The following NECAB2 variants were observed in gnomAD, a reference collection of about 807,000 sequenced individuals.
The protein encoded by NECAB2 is N-terminal EF-hand calcium-binding protein 2.
NECAB2 carries 68 observed loss-of-function variants against 51.9 expected under a neutral mutation model. The ratio of observed to expected loss-of-function variants is 1.31; its 90% confidence interval spans 1.08 to 1.60. The LOEUF (loss-of-function observed/expected upper bound fraction) is 1.60, where lower values mean the gene tolerates loss of function less well. NECAB2 is among the 40% of genes most tolerant of loss of function. The pLI is 0.00. For missense variants in NECAB2, 854 were observed against 490.3 expected, an observed-to-expected ratio of 1.74 and a Z score of -7.00; for synonymous variants, 329 against 203.5, an observed-to-expected ratio of 1.62 and a Z score of -5.25.
At chr16:83,978,847 C>G (rs1194974081) in intron 3 of NECAB2, among the ~76,000 whole-genome samples, 2 of 152,020 alleles carry the variant, frequency 1.3e-5, no homozygotes, top group African/African-American at 4.8e-5. Flanking sequence ...GTGGCAATGA[C>G]TTCATCCTTC....
Position 84,000,706 on chromosome 16 carries a change from G to GA in NECAB2, c.963-17dup, listed in dbSNP as rs776100319. The GA allele has an allele frequency of 8.1e-6, 13 of 1,613,160 alleles. No homozygotes were observed. In the East Asian group the frequency reaches 8.9e-5, roughly 11 times the overall value. ...GGTTGAGCTCCAGCCTCCTCCCCCC[G>GA]ACCATCTCCTGTTGCAGCATCACTG... On this transcript the variant is annotated splice_polypyrimidine_tract_variant and intron_variant, in intron 10 of 12. Coordinates refer to ENST00000305202, the MANE Select transcript of NECAB2 (RefSeq NM_019065.3).
intron 2 of NECAB2, among the ~76,000 whole-genome samples, chr16:83,976,066 C>G (rs538376406): frequency 1.3e-5 from 2 of 152,272 alleles, no homozygotes; most frequent in African/African-American, 4.8e-5. Flanking sequence ...CCTGCTCTCC[C>G]TGTGTGCAGA....
At chr16:83,995,911 C>G (rs1402022379) in intron 8 of NECAB2, among the ~76,000 whole-genome samples, 4 of 152,298 alleles carry the variant, frequency 2.6e-5, no homozygotes, top group East Asian at 3.9e-4. Flanking sequence ...GCGGGCGCCT[C>G]GGGAGGGAGA....
chr16:83,981,404 C>T (rs574272985), intron 5 of NECAB2, among the ~76,000 whole-genome samples: 1 of 147,512 alleles, frequency 6.8e-6, no homozygotes, highest in South Asian at 2.1e-4. Context: ...CACCCTGTGC[C>T]CTTAAGGGGT....
At chr16:83,966,174 C>T (rs1597186243), upstream of NECAB2, 5 of 620,804 alleles carry the variant, frequency 8.1e-6, no homozygotes, top group African/African-American at 1.8e-5. Flanking sequence ...GGACTTAGAC[C>T]AGTGTCTGAG....
At chr16:83,972,037 C>G (rs1275064709) in intron 1 of NECAB2, 114 bp from the exon 2 acceptor site, 2 of 1,442,800 alleles carry the variant, frequency 1.4e-6, no homozygotes, top group African/African-American at 2.8e-5. Context: ...CTCAGCTTCC[C>G]AGGACCCTAA....
chr16:83,982,742 T>A (rs1199483442), intron 5 of NECAB2, among the ~76,000 whole-genome samples: 1 of 152,234 alleles, frequency 6.6e-6, no homozygotes, highest in Non-Finnish European at 1.5e-5. Context: ...TTTAGAGATC[T>A]TGCTCTTGGA....
upstream of NECAB2, chr16:83,965,367 T>G (rs2084265185): frequency 6.4e-7 from 1 of 1,571,358 alleles, no homozygotes; most frequent in African/African-American, 1.3e-5. Context: ...CTGCCCTTCA[T>G]CCACCATGAG....
rs2084313014 is a variant in NECAB2, at chr16:83,968,533, G to A, written c.-116G>A. The A allele has an allele frequency of 2.4e-6, 2 of 849,386 alleles. No individual in the cohort carries two copies. The highest frequency in any genetic ancestry group is 2.8e-6 in the Non-Finnish European group (2 of 708,902). 52.6% of individuals were successfully genotyped at this position (849,386 alleles called of 1,614,324 possible). On this transcript the variant is annotated 5_prime_UTR_variant, in exon 1 of 13. Coordinates refer to ENST00000305202, the MANE Select transcript of NECAB2 (RefSeq NM_019065.3). ...CCCCGCGGTGTCCGCGGCCGCGGGG[G>A]CAGCGGGAGAGAGGGCGGGGCGGCG... is the stretch of plus-strand genomic sequence containing the variant.
chr16:83,986,264 G>A (rs957243750), intron 5 of NECAB2, among the ~76,000 whole-genome samples: 4 of 152,076 alleles, frequency 2.6e-5, no homozygotes, highest in Non-Finnish European at 4.4e-5. Flanking sequence ...TGTTCCACCC[G>A]CCTCAGTCTC....
At chr16:83,999,583 A>G (rs372808332) in intron 10 of NECAB2, among the ~76,000 whole-genome samples, 1 of 151,886 alleles carries the variant, frequency 6.6e-6, no homozygotes, top group Admixed American at 6.6e-5. Flanking sequence ...CCTCCTCCCC[A>G]GCTTTTGGCC....
rs1461876828 is a variant in NECAB2 at position 84,002,631 on chromosome 16, C to T, written c.*285C>T. The T allele has an allele frequency of 9.3e-6, 5 of 537,228 alleles. No homozygotes were observed. The highest frequency in any genetic ancestry group is 1.3e-5 in the Non-Finnish European group (4 of 298,354). The allele number at this position is 537,228 out of a possible 1,614,324, so 33.3% of individuals were successfully genotyped here. A position where few individuals can be genotyped will look rare whatever the true frequency, so the allele number is the denominator to read the frequency against. On this transcript the variant is annotated 3_prime_UTR_variant, in exon 13 of 13. Transcript: ENST00000305202. ...GTCCTGGCCTCTCCCCTACCCCTCA[C>T]ATGGCCACGCATGACCCACACTGAC...
intron 8 of NECAB2, among the ~76,000 whole-genome samples, chr16:83,995,571 G>A (rs1022869320): frequency 2.1e-4 from 32 of 152,158 alleles, no homozygotes; most frequent in Admixed American, 1.2e-3. Context: ...CAGCACACCC[G>A]TATACCCACA....
intron 1 of NECAB2, among the ~76,000 whole-genome samples, chr16:83,969,079 C>T (rs1017426622): frequency 4.0e-5 from 6 of 151,766 alleles, no homozygotes; most frequent in Non-Finnish European, 7.4e-5. Context: ...TCCGCCCCTC[C>T]ACCGGCGCTT....
chr16:83,998,288 G>A lies in NECAB2; in HGVS notation c.933G>A (p.Arg311=). The A allele has an allele frequency of 6.2e-7, 1 of 1,613,544 alleles. No individual in the cohort carries two copies. Among genetic ancestry groups the A allele is most frequent in the African/African-American group, 1.3e-5 (1 of 75,042 alleles). Residue 311 remains arginine, a synonymous_variant, in exon 10 of 13, where the codon CGG becomes CGA. Transcript: ENST00000305202. The part of the protein sequence containing the change: ...EFLDSLRQYL[R]GTTGVRNCFH... Reference sequence around the variant, plus strand: ...TGGACTCTCTGCGCCAGTATCTGCGGGGGACCACTGGCGTGAGGAACTGCT... The same window carrying A: ...TGGACTCTCTGCGCCAGTATCTGCGAGGGACCACTGGCGTGAGGAACTGCT...
intron 5 of NECAB2, among the ~76,000 whole-genome samples, chr16:83,982,399 G>A (rs920546436): frequency 2.6e-5 from 4 of 152,120 alleles, no homozygotes; most frequent in African/African-American, 9.7e-5. Flanking sequence ...AATCTTTGTA[G>A]AATATCGTTT....
intron 10 of NECAB2, 120 bp downstream of exon 10, chr16:83,998,437 C>A: frequency 1.1e-6 from 1 of 886,040 alleles, no homozygotes; most frequent in Non-Finnish European, 1.7e-6. Context: ...GGGACACACA[C>A]AGCTGGATGC....
At chr16:83,984,361 T>G (rs755205628) in intron 5 of NECAB2, among the ~76,000 whole-genome samples, 5 of 152,080 alleles carry the variant, frequency 3.3e-5, no homozygotes, top group African/African-American at 4.8e-5. Context: ...TGGAATGTTT[T>G]ATGATTATTT....
In NECAB2 at chr16:84,000,877, C is replaced by CCTTGGAGGGGAGGGTAA. The variant is rs1567681397; in HGVS notation, c.1040+77_1040+93dup. 3.4e-6 allele frequency: 5 copies of CCTTGGAGGGGAGGGTAA among 1,449,944 alleles called. No individual in the cohort carries two copies. The East Asian group carries it at 1.1e-4, about 33-fold the overall frequency. 89.8% of individuals were successfully genotyped at this position (1,449,944 alleles called of 1,614,324 possible). A position where few individuals can be genotyped will look rare whatever the true frequency, so the allele number is the denominator to read the frequency against. On this transcript the variant is annotated intron_variant, in intron 11 of 12. Transcript: ENST00000305202. Reference sequence around the variant, plus strand: ...GGGCTGTCTTCCTGGAGCCAGGCATCCTTGGAGGGGAGGGTAAGGCCGAGT... The same window carrying CCTTGGAGGGGAGGGTAA: ...GGGCTGTCTTCCTGGAGCCAGGCATCCTTGGAGGGGAGGGTAACTTGGAGGGGAGGGTAAGGCCGAGT...
Sources: allele counts gnomAD v4.1 joint callset (sites outside exome capture counted in the v4.1 genomes callset), GRCh38; gene constraint gnomAD v4.1.1; transcripts MANE v1.5; gene names NCBI Gene and HGNC (gene_info 2026-07-23, HGNC 2026-07-21).